Variants in TANGO6 observed in about 807,000 individuals in gnomAD.
TANGO6 encodes transport and Golgi organization protein 6 homolog.
In TANGO6, 90 loss-of-function variants were observed where a neutral mutation model predicts 114.2. That is an observed-to-expected ratio of 0.79 (90% CI 0.66 to 0.94). The LOEUF (loss-of-function observed/expected upper bound fraction) is 0.94. TANGO6 is among the 40% of genes least tolerant of loss of function. TANGO6 has a pLI of 0.00. For synonymous variants in TANGO6, 477 were observed against 509.8 expected, an observed-to-expected ratio of 0.94 and a Z score of 0.87; for missense variants, 1,274 against 1,315.3, an observed-to-expected ratio of 0.97 and a Z score of 0.49.
chr16:68,969,714 C>A (rs1963684055), intron 14 of TANGO6, among the ~76,000 whole-genome samples: 2 of 151,552 alleles, frequency 1.3e-5, no homozygotes, highest in South Asian at 4.2e-4. Flanking sequence ...TCTGAAAAAT[C>A]ATTGTTAACC....
At chr16:69,063,415 G>C (rs557492647) in intron 17 of TANGO6, among the ~76,000 whole-genome samples, 1 of 151,754 alleles carries the variant, frequency 6.6e-6, no homozygotes, top group Non-Finnish European at 1.5e-5. Context: ...GTCTCAGCTA[G>C]TCAGGAGGCT....
chr16:68,867,512 A>G (rs16958438), intron 4 of TANGO6: 71,219 of 270,202 alleles, frequency 0.26, 11,786 homozygotes, highest in African/African-American at 0.53. Context: ...TACACAGAAA[A>G]TTGAAGTAAA....
At chr16:68,998,335 A>G (rs1964011372) in intron 15 of TANGO6, among the ~76,000 whole-genome samples, 2 of 152,142 alleles carry the variant, frequency 1.3e-5, no homozygotes, top group African/African-American at 4.8e-5. Flanking sequence ...TTCAAAAACA[A>G]TGGATGTGAT....
intron 14 of TANGO6, among the ~76,000 whole-genome samples, chr16:68,957,967 T>A (rs780798974): frequency 1.3e-5 from 2 of 151,096 alleles, no homozygotes; most frequent in African/African-American, 2.4e-5. Context: ...AGGTCAGGAG[T>A]TCGAGACAAG....
At chr16:68,932,697 C>T (rs577401638) in intron 14 of TANGO6, among the ~76,000 whole-genome samples, 95 of 151,784 alleles carry the variant, frequency 6.3e-4, no homozygotes, top group African/African-American at 2.2e-3. Context: ...TGCTGAGACA[C>T]GAGAATTGCC....
intron 12 of TANGO6, among the ~76,000 whole-genome samples, chr16:68,924,405 T>A (rs1963140197): frequency 6.6e-6 from 1 of 151,478 alleles, no homozygotes; most frequent in Non-Finnish European, 1.5e-5. Flanking sequence ...GAGAATTGCT[T>A]GAACCCAAGA....
chr16:68,970,995 A>T (rs1963698959), intron 14 of TANGO6, among the ~76,000 whole-genome samples: 2 of 152,104 alleles, frequency 1.3e-5, no homozygotes. Flanking sequence ...TCTACCAAAA[A>T]TACAAAAATT....
chr16:68,872,094 G>T (rs1211020504), intron 4 of TANGO6, among the ~76,000 whole-genome samples: 1 of 151,722 alleles, frequency 6.6e-6, no homozygotes, highest in East Asian at 2.0e-4. Flanking sequence ...AGTGGTGCGT[G>T]CCTGTAGTCC....
intron 14 of TANGO6, among the ~76,000 whole-genome samples, chr16:68,956,306 C>T (rs1477206315): frequency 6.6e-6 from 1 of 152,132 alleles, no homozygotes; most frequent in African/African-American, 2.4e-5. Context: ...AACATAAGAA[C>T]CTGCATTTAC....
At chr16:68,915,570 T>G (rs754909827) in intron 11 of TANGO6, among the ~76,000 whole-genome samples, 3 of 152,134 alleles carry the variant, frequency 2.0e-5, no homozygotes, top group Non-Finnish European at 2.9e-5. Context: ...AGCTAAGGAG[T>G]GCTTTAGAAG....
At chr16:68,982,319 C>A (rs1963843878) in intron 15 of TANGO6, among the ~76,000 whole-genome samples, 1 of 152,094 alleles carries the variant, frequency 6.6e-6, no homozygotes, top group South Asian at 2.1e-4. Flanking sequence ...CCTGCTGGCC[C>A]TAACTAAATT....
intron 15 of TANGO6, among the ~76,000 whole-genome samples, chr16:68,976,319 A>G (rs145212149): frequency 1.5e-3 from 224 of 152,380 alleles, no homozygotes; most frequent in African/African-American, 4.8e-3. Context: ...TTGGCATACA[A>G]TAAGGGCTCA....
intron 11 of TANGO6, among the ~76,000 whole-genome samples, chr16:68,917,287 T>C (rs1269436215): frequency 6.6e-6 from 1 of 152,182 alleles, no homozygotes; most frequent in Non-Finnish European, 1.5e-5. Context: ...TATCACAGTT[T>C]ATTGATGCAT....
At chr16:68,919,770 G>A (rs940421727) in intron 12 of TANGO6, among the ~76,000 whole-genome samples, 2 of 152,014 alleles carry the variant, frequency 1.3e-5, no homozygotes, top group African/African-American at 4.8e-5. Context: ...CGGGTGCGGT[G>A]GCTCACTGAG....
At chr16:69,071,600 C>T (rs939221333) in intron 17 of TANGO6, among the ~76,000 whole-genome samples, 1 of 152,194 alleles carries the variant, frequency 6.6e-6, no homozygotes, top group African/African-American at 2.4e-5. Context: ...ACCGTCTTTA[C>T]TCATGGAGCT....
chr16:68,963,832 T>C (rs1338398067), intron 14 of TANGO6, among the ~76,000 whole-genome samples: 1 of 152,228 alleles, frequency 6.6e-6, no homozygotes, highest in African/African-American at 2.4e-5. Flanking sequence ...ATCATGCACA[T>C]ATCATAATTT....
At chr16:69,081,132 C>T (rs1342637519) in intron 17 of TANGO6, among the ~76,000 whole-genome samples, 5 of 151,990 alleles carry the variant, frequency 3.3e-5, no homozygotes, top group South Asian at 2.1e-4. Flanking sequence ...AGCACAATTC[C>T]GTCCCAAAAA....
chr16:68,930,319 CT>C (rs1266653505), intron 14 of TANGO6, 24 bp downstream of exon 14: 11 of 1,540,192 alleles, frequency 7.1e-6, no homozygotes, highest in Non-Finnish European at 9.7e-6. Flanking sequence ...GGTTAAAGGA[CT>C]TTAAGTATGT....
At chr16:68,930,635 CTTT>C (rs35493432) in intron 14 of TANGO6, among the ~76,000 whole-genome samples, 4 of 134,136 alleles carry the variant, frequency 3.0e-5, no homozygotes, top group South Asian at 2.4e-4. Flanking sequence ...CGGCTACTGT[CTTT>C]TTTTTTTTTT....
Sources: allele counts gnomAD v4.1 joint callset (sites outside exome capture counted in the v4.1 genomes callset), GRCh38; gene constraint gnomAD v4.1.1; transcripts MANE v1.5; gene names NCBI Gene and HGNC (gene_info 2026-07-23, HGNC 2026-07-21).